Variants in TLN2 observed in about 807,000 individuals in gnomAD.
TLN2 encodes the protein talin-2.
TLN2 carries 118 observed loss-of-function variants against 294.7 expected under a neutral mutation model. That is an observed-to-expected ratio of 0.40 (90% CI 0.34 to 0.47). The LOEUF (loss-of-function observed/expected upper bound fraction) is 0.47. TLN2 is among the 20% of genes least tolerant of loss of function. TLN2 has a pLI of 0.84. For synonymous variants in TLN2, 1,431 were observed against 1,304.5 expected (o/e 1.10, Z -2.09); for missense variants, 3,083 against 3,282.2 (o/e 0.94, Z 1.48).
rs2064393868 is a variant in TLN2, at chr15:62,783,739, GTGTGT to G, written c.5617-31_5617-27del. Reference sequence around the variant, plus strand: ...TTTCTCTCTGTGTGTGTGTGTGTGTGTGTGTGTGTCTTGCTTGTTTTCTTTTTCCA... The same window carrying G: ...TTTCTCTCTGTGTGTGTGTGTGTGTGGTGTCTTGCTTGTTTTCTTTTTCCA... On this transcript the variant is annotated intron_variant, in intron 44 of 58. Coordinates refer to ENST00000636159, the MANE Select transcript of TLN2 (RefSeq NM_015059.3). 7 of 1,560,394 alleles carry G rather than the reference GTGTGT, an allele frequency of 4.5e-6. No individual in the cohort carries two copies. In the Admixed American group the frequency reaches 1.3e-4, roughly 28 times the overall value.
chr15:62,407,923 A>AAAATAAATAAAT lies in TLN2; in HGVS notation c.-238+17262_-238+17273dup, dbSNP rs10626679. ...GAGTGAGAGAGTGAGACTCTGTCTC[A>AAAATAAATAAAT]AAATAAATAAATAAATAAATAAATA... is the stretch of plus-strand genomic sequence containing the variant. On this transcript the variant is annotated intron_variant, in intron 1 of 58. Transcript: ENST00000636159. Among the ~76,000 whole-genome samples, 391 of 148,638 alleles carry AAAATAAATAAAT rather than the reference A, an allele frequency of 2.6e-3. 2 individuals are homozygous for AAAATAAATAAAT. Among genetic ancestry groups the AAAATAAATAAAT allele is most frequent in the Middle Eastern group, 0.014 (4 of 290 alleles).
chr15:62,826,923 AG>A (rs1219886698), intron 54 of TLN2, among the ~76,000 whole-genome samples: 4 of 152,168 alleles, frequency 2.6e-5, no homozygotes, highest in African/African-American at 9.7e-5. Flanking sequence ...CCTTATTTTT[AG>A]TAGCAGGCAT....
intron 1 of TLN2, among the ~76,000 whole-genome samples, chr15:62,533,196 G>A (rs2041145359): frequency 6.9e-6 from 1 of 145,850 alleles, no homozygotes; most frequent in Non-Finnish European, 1.5e-5. Flanking sequence ...AGAGGTTACA[G>A]TGAGCCGAGA....
chr15:62,657,970 G>A (rs1234839924), intron 9 of TLN2, 72 bp downstream of exon 9: 1 of 1,445,136 alleles, frequency 6.9e-7, no homozygotes, highest in Non-Finnish European at 9.5e-7. Flanking sequence ...TTATTTTTGA[G>A]CTAGGTGTCT....
At chr15:62,538,712 C>G (rs560930676) in intron 1 of TLN2, among the ~76,000 whole-genome samples, 7 of 152,238 alleles carry the variant, frequency 4.6e-5, no homozygotes, top group Non-Finnish European at 1.0e-4. Flanking sequence ...ATGTTAAATT[C>G]TCCCCTCTAA....
chr15:62,568,572 G>A (rs547448240), intron 1 of TLN2, among the ~76,000 whole-genome samples: 23 of 152,310 alleles, frequency 1.5e-4, no homozygotes, highest in Non-Finnish European at 2.9e-4. Context: ...TGTTAGCAAC[G>A]GAGATGGATA....
chr15:62,820,232 A>G (rs916097465), intron 53 of TLN2, among the ~76,000 whole-genome samples: 4 of 152,182 alleles, frequency 2.6e-5, no homozygotes, highest in African/African-American at 9.6e-5. Flanking sequence ...CCGTGAGATC[A>G]TTTTTGAAGC....
chr15:62,748,290 A>G, intron 32 of TLN2, 61 bp from the exon 33 acceptor site: 3 of 1,254,226 alleles, frequency 2.4e-6, no homozygotes, highest in Non-Finnish European at 3.4e-6. Context: ...CCTGCAAAGC[A>G]TTGTAGGGGA....
chr15:62,723,659 C>T (rs906973548), intron 26 of TLN2, among the ~76,000 whole-genome samples: 1 of 150,634 alleles, frequency 6.6e-6, no homozygotes, highest in Non-Finnish European at 1.5e-5. Flanking sequence ...TCTCCCACCT[C>T]AGCCACTTGA....
intron 1 of TLN2, among the ~76,000 whole-genome samples, chr15:62,446,186 G>A (rs1296121039): frequency 6.6e-6 from 1 of 151,636 alleles, no homozygotes; most frequent in Non-Finnish European, 1.5e-5. Flanking sequence ...TTTTGGTAGA[G>A]ACAGGGTTTC....
intron 52 of TLN2, among the ~76,000 whole-genome samples, chr15:62,819,060 A>G (rs887363015): frequency 6.6e-6 from 1 of 151,794 alleles, no homozygotes; most frequent in African/African-American, 2.4e-5. Context: ...AGGTCTTGCT[A>G]TGTTGACCAG....
At chr15:62,485,429 C>G (rs2038337282) in intron 1 of TLN2, among the ~76,000 whole-genome samples, 1 of 152,184 alleles carries the variant, frequency 6.6e-6, no homozygotes, top group Non-Finnish European at 1.5e-5. Context: ...GCGGTGTGGT[C>G]TCCGTCTCAG....
chr15:62,486,584 T>C (rs947457485), intron 1 of TLN2, among the ~76,000 whole-genome samples: 6 of 152,032 alleles, frequency 3.9e-5, no homozygotes, highest in African/African-American at 1.2e-4. Flanking sequence ...TCATCTATTT[T>C]TGTTGGGCAT....
At chr15:62,839,173 T>C (rs894410296) in intron 58 of TLN2, among the ~76,000 whole-genome samples, 192 bp downstream of exon 58, 1 of 152,234 alleles carries the variant, frequency 6.6e-6, no homozygotes, top group Non-Finnish European at 1.5e-5. Context: ...GATGTTACCC[T>C]TGGCCACGTG....
chr15:62,675,142 C>G, intron 10 of TLN2, 75 bp from the exon 11 acceptor site: 1 of 1,361,152 alleles, frequency 7.3e-7, no homozygotes, highest in Non-Finnish European at 1.0e-6. Context: ...CCACCACATA[C>G]AGTAACTACC....
chr15:62,826,871 T>C (rs1035942065), intron 54 of TLN2, among the ~76,000 whole-genome samples: 2 of 151,944 alleles, frequency 1.3e-5, no homozygotes, highest in African/African-American at 4.9e-5. Flanking sequence ...TTAAAAAATA[T>C]ATATCCAAGA....
chr15:62,547,850 T>C (rs1207365011), intron 1 of TLN2, among the ~76,000 whole-genome samples: 2 of 152,034 alleles, frequency 1.3e-5, no homozygotes, highest in African/African-American at 4.8e-5. Context: ...TTGTGTGATG[T>C]TGGAATATGT....
intron 32 of TLN2, among the ~76,000 whole-genome samples, chr15:62,747,731 C>T (rs1324355706): frequency 6.6e-6 from 1 of 152,190 alleles, no homozygotes; most frequent in Non-Finnish European, 1.5e-5. Flanking sequence ...CTTTTGCTTC[C>T]CTAAACTTTA....
chr15:62,821,540 T>C (rs2067571292), intron 54 of TLN2, among the ~76,000 whole-genome samples: 1 of 152,250 alleles, frequency 6.6e-6, no homozygotes, highest in Non-Finnish European at 1.5e-5. Context: ...TCAAAAGCAG[T>C]GCCTGGGCCA....
Sources: allele counts gnomAD v4.1 joint callset (sites outside exome capture counted in the v4.1 genomes callset), GRCh38; gene constraint gnomAD v4.1.1; transcripts MANE v1.5; gene names NCBI Gene and HGNC (gene_info 2026-07-23, HGNC 2026-07-21).